Variants in GSE1 observed in about 807,000 individuals in gnomAD.
The protein encoded by GSE1 is Gse1 coiled-coil protein, also known as genetic suppressor element 1.
Under a neutral mutation model 112.6 loss-of-function variants are expected in GSE1, and 32 were observed. The ratio of observed to expected loss-of-function variants is 0.28; its 90% confidence interval spans 0.21 to 0.38. The LOEUF (loss-of-function observed/expected upper bound fraction) is 0.38. GSE1 is among the 10% of genes least tolerant of loss of function. The probability of loss-of-function intolerance (pLI) is 1.00; values close to 1 mark genes in which losing one functional copy is unlikely to be tolerated. For missense variants in GSE1, 2,348 were observed against 1,699.2 expected (o/e 1.38, Z -6.71); for synonymous variants, 1,115 against 735.6 (o/e 1.52, Z -8.35).
chr16:85,447,983 C>T (rs969439297), intron 2 of GSE1, among the ~76,000 whole-genome samples: 1 of 152,172 alleles, frequency 6.6e-6, no homozygotes, highest in Non-Finnish European at 1.5e-5. Flanking sequence ...GTGTAGGGGA[C>T]AGGATTGCAA....
chr16:85,668,452 A>G (rs1567767021), intron 14 of GSE1, 28 bp downstream of exon 14: 33 of 887,040 alleles, frequency 3.7e-5, no homozygotes, highest in Admixed American at 1.5e-4. Flanking sequence ...AAGAGGGGGG[A>G]GGGGGTCAGG....
intron 2 of GSE1, among the ~76,000 whole-genome samples, chr16:85,455,815 G>A (rs866246016): frequency 5.9e-5 from 9 of 152,206 alleles, no homozygotes; most frequent in Admixed American, 6.5e-5. Context: ...AAAGCGTCAC[G>A]CTCTCTCTCC....
intron 2 of GSE1, among the ~76,000 whole-genome samples, chr16:85,526,003 G>T (rs936794951): frequency 6.6e-6 from 1 of 152,218 alleles, no homozygotes. Flanking sequence ...GGACCTGCCA[G>T]ATGCCTCCAG....
Position 85,564,943 on chromosome 16 carries a change from A to C in GSE1, c.37+8580A>C, listed in dbSNP as rs562381822. Among the ~76,000 whole-genome samples, 22 of 152,212 alleles carry C rather than the reference A, an allele frequency of 1.4e-4. No homozygotes were observed. The South Asian group carries it at 4.6e-3, about 32-fold the overall frequency. On this transcript the variant is annotated intron_variant, in intron 1 of 2. Transcript: ENST00000635906. ...TGGCAGGAAGCAGAGCCCAGAGTTT[A>C]GGGGTGGGGAGAGTGTGGCCAGGGG...
At position 85,189,662 on chromosome 16, in the gene GSE1, G is replaced by A. The variant is rs74031718; in HGVS notation, c.2283+17855G>A. ...TTTTTCTGAATTACCTTCTTAAGTA[G>A]ATGGGAAACTTGGCCAATGTCTTGA... On this transcript the variant is annotated intron_variant, in intron 1 of 2. Coordinates refer to the GSE1 transcript ENST00000637419. Among the ~76,000 whole-genome samples the A allele has an allele frequency of 7.6e-3, 1,151 of 152,334 alleles. 6 individuals are homozygous for A. Among genetic ancestry groups the A allele is most frequent in the Middle Eastern group, 0.037 (11 of 294 alleles).
chr16:85,656,471 A>T lies in GSE1; in HGVS notation c.1118A>T (p.Lys373Met). 1 of 1,541,376 alleles carries T rather than the reference A, an allele frequency of 6.5e-7. No individual in the cohort carries two copies. The highest frequency in any genetic ancestry group is 8.8e-7 in the Non-Finnish European group (1 of 1,138,580). Residue 373 changes from lysine (K) to methionine (M), a missense_variant, in exon 7 of 16, where the codon AAG becomes ATG. Coordinates refer to ENST00000253458, the MANE Select transcript of GSE1 (RefSeq NM_014615.5). ...REREKEREQE[K>M]EREREKERER... is the part of the protein sequence containing the mutation. ...CGCGAGAAGGAGCGCGAGCAAGAGA[A>T]GGAGCGTGAGCGTGAGAAGGAGCGC...
rs1316532162 is a variant in GSE1 at position 85,478,836 on chromosome 16, TTATTTTCTTTCTTTC to T, written c.2464+121195_2464+121209del. 2.1e-5 allele frequency among the ~76,000 whole-genome samples: 3 copies of T among 143,296 alleles called. No individual in the cohort carries two copies. The East Asian group carries it at 7.1e-4, about 34-fold the overall frequency. The allele number at this position is 143,296 out of a possible 152,430, so 94.0% of individuals were successfully genotyped here. On this transcript the variant is annotated intron_variant, in intron 2 of 2. Coordinates refer to the GSE1 transcript ENST00000637419. ...CCATGCACCACCATGCCCCGCTCAT[TTATTTTCTTTCTTTC>T]TTTCTTTCTTTCTTTCTTTCTTTCT... is the stretch of plus-strand genomic sequence containing the variant.
At chr16:85,485,383 C>T (rs753421307) in intron 2 of GSE1, among the ~76,000 whole-genome samples, 5 of 152,182 alleles carry the variant, frequency 3.3e-5, no homozygotes, top group Non-Finnish European at 4.4e-5. Context: ...ACACCAGGGG[C>T]GGTGGGGAGC....
chr16:85,590,920 G>C lies in GSE1; in HGVS notation c.37+34557G>C, dbSNP rs1046108227. ...CTGGGATGAAGCTTGGGCCGCACTCGGTGCTGACATGCGGTGGGGGGGACC... is the reference window on the plus strand; with the variant it reads ...CTGGGATGAAGCTTGGGCCGCACTCCGTGCTGACATGCGGTGGGGGGGACC... On this transcript the variant is annotated intron_variant, in intron 1 of 2. Coordinates refer to the GSE1 transcript ENST00000635906. 5.3e-5 allele frequency among the ~76,000 whole-genome samples: 8 copies of C among 151,888 alleles called. No individual in the cohort carries two copies. In the East Asian group the frequency reaches 1.5e-3, roughly 29 times the overall value.
chr16:85,256,138 C>A (rs1030303619), intron 1 of GSE1, among the ~76,000 whole-genome samples: 2 of 149,802 alleles, frequency 1.3e-5, no homozygotes, highest in African/African-American at 4.9e-5. Flanking sequence ...TTAAATCATG[C>A]GGTGGGGAGG....
intron 1 of GSE1, among the ~76,000 whole-genome samples, chr16:85,174,533 C>G (rs1371223290): frequency 6.6e-6 from 1 of 152,230 alleles, no homozygotes; most frequent in Non-Finnish European, 1.5e-5. Flanking sequence ...CTCCCTCCCC[C>G]TCCTTCCCAT....
At chr16:85,572,317 AACACACCAC>A (rs1199429700) in intron 1 of GSE1, among the ~76,000 whole-genome samples, 1 of 134,002 alleles carries the variant, frequency 7.5e-6, no homozygotes, top group Non-Finnish European at 1.6e-5. Flanking sequence ...CATACCACAC[AACACACCAC>A]ACACACCACA....
At chr16:85,281,301 C>T (rs1262900949) in intron 1 of GSE1, among the ~76,000 whole-genome samples, 4 of 151,966 alleles carry the variant, frequency 2.6e-5, no homozygotes, top group Admixed American at 6.6e-5. Context: ...GGTGACGGCT[C>T]CTCTGAGAAC....
At chr16:85,432,004 C>T (rs1368734287) in intron 2 of GSE1, among the ~76,000 whole-genome samples, 2 of 152,224 alleles carry the variant, frequency 1.3e-5, no homozygotes, top group Non-Finnish European at 2.9e-5. Context: ...ATCCTCGCCG[C>T]CTGGGCGAGT....
chr16:85,470,244 G>A (rs1439515313), intron 2 of GSE1, among the ~76,000 whole-genome samples: 2 of 152,250 alleles, frequency 1.3e-5, no homozygotes, highest in African/African-American at 2.4e-5. Flanking sequence ...CTCGGTTGAT[G>A]TGAGAGGGCA....
At chr16:85,279,565 C>T (rs2044793069) in intron 1 of GSE1, among the ~76,000 whole-genome samples, 1 of 152,220 alleles carries the variant, frequency 6.6e-6, no homozygotes, top group Non-Finnish European at 1.5e-5. Flanking sequence ...CACTGCACTC[C>T]AGCCTGGGTG....
At chr16:85,649,745 A>T (rs1275816877) in intron 3 of GSE1, among the ~76,000 whole-genome samples, 1 of 152,172 alleles carries the variant, frequency 6.6e-6, no homozygotes, top group African/African-American at 2.4e-5. Context: ...GGACAGCCCC[A>T]CTTGGAAATA....
intron 1 of GSE1, among the ~76,000 whole-genome samples, chr16:85,617,952 C>T (rs2048483219): frequency 3.9e-5 from 6 of 152,172 alleles, no homozygotes; most frequent in Admixed American, 3.9e-4. Flanking sequence ...CACCTGGCTG[C>T]TCTCTGGATG....
At chr16:85,201,592 C>T (rs1460355612) in intron 1 of GSE1, among the ~76,000 whole-genome samples, 1 of 151,424 alleles carries the variant, frequency 6.6e-6, no homozygotes. Flanking sequence ...GCAGAGGTTG[C>T]AGTGAGCTGA....
Sources: allele counts gnomAD v4.1 joint callset (sites outside exome capture counted in the v4.1 genomes callset), GRCh38; gene constraint gnomAD v4.1.1; transcripts MANE v1.5; gene names NCBI Gene and HGNC (gene_info 2026-07-23, HGNC 2026-07-21).